The following LMNA variants were observed in gnomAD, a reference collection of about 807,000 sequenced individuals.
LMNA encodes the protein lamin.
LMNA carries 20 observed loss-of-function variants against 70.4 expected under a neutral mutation model. The ratio of observed to expected loss-of-function variants is 0.28; its 90% CI spans 0.20 to 0.41. The LOEUF (loss-of-function observed/expected upper bound fraction) is 0.41. Ranked by LOEUF, LMNA falls within the 10% of genes least tolerant of loss-of-function variation. The pLI is 1.00. For missense variants in LMNA, 652 were observed against 917.2 expected, an observed-to-expected ratio of 0.71 and a Z score of 3.73; for synonymous variants, 339 against 372.8, an observed-to-expected ratio of 0.91 and a Z score of 1.04.
chr1:156,123,636 C>G (rs1241180102), intron 1 of LMNA, among the ~76,000 whole-genome samples: 2 of 152,098 alleles, frequency 1.3e-5, no homozygotes, highest in African/African-American at 2.4e-5. Context: ...TTCTTTTGCT[C>G]TATCCCCAAG....
intron 3 of LMNA, among the ~76,000 whole-genome samples, chr1:156,108,686 A>C (rs1488512258): frequency 6.6e-6 from 1 of 152,076 alleles, no homozygotes; most frequent in Non-Finnish European, 1.5e-5. Context: ...GAATCGCTTG[A>C]ATTCAGGAGG....
At chr1:156,099,176 A>G (rs1649050571) in intron 3 of LMNA, among the ~76,000 whole-genome samples, 1 of 151,984 alleles carries the variant, frequency 6.6e-6, no homozygotes, top group Non-Finnish European at 1.5e-5. Context: ...CTCCTTAGCA[A>G]TTAGGCCTTA....
intron 1 of LMNA, among the ~76,000 whole-genome samples, chr1:156,130,387 T>C (rs1650939097): frequency 6.6e-6 from 1 of 152,016 alleles, no homozygotes; most frequent in East Asian, 1.9e-4. Flanking sequence ...TCCTGAGCCC[T>C]GAGTCATGGG....
Position 156,138,744 on chromosome 1 carries a change from G to A in LMNA, c.1955G>A (p.Ser652Asn). ...VTRSYLLGNS[S>N]PRTQSPQNCS... ...CGCTCCTACCTCCTGGGCAACTCCA[G>A]CCCCCGAACCCAGGTGAGTTGTCTC... The change falls in exon 11 of 12, where the codon AGC becomes AAC. Residue 652 changes from serine to asparagine, a missense_variant. Coordinates refer to ENST00000368300, the MANE Select transcript of LMNA (RefSeq NM_170707.4). The surrounding 1 kb of genome is among the most constrained non-coding windows in gnomAD (Gnocchi z 5.5). 1.9e-6 allele frequency: 3 copies of A among 1,613,462 alleles called. No individual in the cohort carries two copies. Among genetic ancestry groups the A allele is most frequent in the South Asian group, 2.2e-5 (2 of 91,084 alleles).
chr1:156,093,714 G>A (rs962819700), intron 3 of LMNA: 1 of 152,218 alleles, frequency 6.6e-6, no homozygotes, highest in South Asian at 2.1e-4. Context: ...CCCAGTACAC[G>A]GGAAGCTCTT....
chr1:156,084,825 C>T (rs766544546), intron 2 of LMNA, among the ~76,000 whole-genome samples: 3 of 152,346 alleles, frequency 2.0e-5, no homozygotes, highest in East Asian at 3.9e-4. Flanking sequence ...CCTGAACTTG[C>T]GCTGCCTCTG....
At chr1:156,119,253 G>C (rs1226256130) in intron 1 of LMNA, among the ~76,000 whole-genome samples, 2 of 152,146 alleles carry the variant, frequency 1.3e-5, no homozygotes, top group Non-Finnish European at 2.9e-5. Flanking sequence ...GAGTAGCTGG[G>C]ACTACAGGCA....
Position 156,137,783 on chromosome 1 carries a change from G to T in LMNA, c.1698+40G>T. 1 of 1,548,314 alleles carries T rather than the reference G, an allele frequency of 6.5e-7. No individual in the cohort carries two copies. The highest frequency in any genetic ancestry group is 8.7e-7 in the Non-Finnish European group (1 of 1,146,968). On this transcript the variant is annotated intron_variant, in intron 10 of 11. Transcript: ENST00000368300. This position sits in a 1 kb window ranked among gnomAD's most constrained non-coding sequence, Gnocchi z 4.6. The stretch of plus-strand genomic sequence containing the variant: ...CCGCTGAGGCCGAGCCTGCACTGGG[G>T]CCACCCAGCCAGGCCTGGGGGCAGC...
intron 3 of LMNA, among the ~76,000 whole-genome samples, chr1:156,108,559 A>G (rs1649430949): frequency 1.3e-5 from 2 of 152,106 alleles, no homozygotes; most frequent in Non-Finnish European, 2.9e-5. Flanking sequence ...AGATCACCTG[A>G]GGTCAGGAGT....
At position 156,103,658 on chromosome 1, in the gene LMNA, G is replaced by A. The variant is rs935848935; in HGVS notation, c.-206-11055G>A. The stretch of plus-strand genomic sequence containing the variant: ...GCTCTCCTGTGTCCCCTCTCCGGGG[G>A]CTGCCCCCTCCCAGTTTCTGACTAA... On this transcript the variant is annotated intron_variant, in intron 3 of 12. Coordinates refer to the LMNA transcript ENST00000368301. This position sits in a 1 kb window ranked among gnomAD's most constrained non-coding sequence, Gnocchi z 4.7. Among the ~76,000 whole-genome samples, 2 of 152,132 alleles carry A rather than the reference G, an allele frequency of 1.3e-5. No individual in the cohort carries two copies. Among genetic ancestry groups the A allele is most frequent in the African/African-American group, 2.4e-5 (1 of 41,422 alleles).
At chr1:156,109,994 T>A (rs1200864226), upstream of LMNA, among the ~76,000 whole-genome samples, 4 of 151,962 alleles carry the variant, frequency 2.6e-5, no homozygotes, top group African/African-American at 9.7e-5. Context: ...ACTAGAGGCA[T>A]GTGCCACCAC....
intron 3 of LMNA, among the ~76,000 whole-genome samples, chr1:156,101,359 T>C (rs1252976303): frequency 6.6e-6 from 1 of 152,010 alleles, no homozygotes; most frequent in Non-Finnish European, 1.5e-5. Context: ...TTGGTTGTGG[T>C]TGCATGAACC....
chr1:156,111,803 C>T (rs1438153392), upstream of LMNA, among the ~76,000 whole-genome samples: 1 of 152,200 alleles, frequency 6.6e-6, no homozygotes, highest in Admixed American at 6.5e-5. Flanking sequence ...TCTAGCATCA[C>T]TCAGCAGTTA....
At chr1:156,110,704 G>A (rs779374703), upstream of LMNA, among the ~76,000 whole-genome samples, 7 of 152,164 alleles carry the variant, frequency 4.6e-5, no homozygotes, top group Non-Finnish European at 7.3e-5. Flanking sequence ...GGCTGGGTGC[G>A]GTGGCTCATG....
rs886045361 is a variant in LMNA at position 156,114,857 on chromosome 1, C to A, written c.-62C>A. 8.2e-7 allele frequency: 1 copy of A among 1,212,656 alleles called. No homozygotes were observed. Among genetic ancestry groups the A allele is most frequent in the Non-Finnish European group, 1.1e-6 (1 of 882,890 alleles). The allele number at this position is 1,212,656 out of a possible 1,614,324, so 75.1% of individuals were successfully genotyped here. A position where few individuals can be genotyped will look rare whatever the true frequency, so the allele number is the denominator to read the frequency against. On this transcript the variant is annotated 5_prime_UTR_variant, in exon 1 of 12. Coordinates refer to ENST00000368300, the MANE Select transcript of LMNA (RefSeq NM_170707.4). The stretch of plus-strand genomic sequence containing the variant: ...ACTCCGAGCAGTCTCTGTCCTTCGA[C>A]CCGAGCCCCGCGCCCTTTCCGGGAC...
intron 1 of LMNA, among the ~76,000 whole-genome samples, chr1:156,126,384 C>T (rs1650578239): frequency 6.6e-6 from 1 of 152,280 alleles, no homozygotes; most frequent in Admixed American, 6.5e-5. Context: ...AGGCCTCTCC[C>T]TCCGGGCCTA....
At chr1:156,092,943 C>A (rs1451665853) in intron 3 of LMNA, among the ~76,000 whole-genome samples, 5 of 145,186 alleles carry the variant, frequency 3.4e-5, no homozygotes, top group African/African-American at 1.3e-4. Flanking sequence ...TGCTGGAGTG[C>A]AGTGGTGCGA....
Position 156,134,331 on chromosome 1 carries a change from C to G in LMNA, c.514-72C>G. ...TGTGAAGGGGTGCACAGGCAGCAGCCCACCTCTCAGCTTCCTTCCAGTTCT... is the reference window on the plus strand; with the variant it reads ...TGTGAAGGGGTGCACAGGCAGCAGCGCACCTCTCAGCTTCCTTCCAGTTCT... On this transcript the variant is annotated intron_variant, in intron 2 of 11. Coordinates refer to ENST00000368300, the MANE Select transcript of LMNA (RefSeq NM_170707.4). This position sits in a 1 kb window ranked among gnomAD's most constrained non-coding sequence, Gnocchi z 5.3. The G allele has an allele frequency of 1.3e-6, 2 of 1,562,842 alleles. No homozygotes were observed. The highest frequency in any genetic ancestry group is 3.5e-5 in the Admixed American group (2 of 56,688).
At position 156,136,872 on chromosome 1, in the gene LMNA, G is replaced by A. The variant is rs753078276; in HGVS notation, c.1381-49G>A. On this transcript the variant is annotated intron_variant, in intron 7 of 11. Coordinates refer to ENST00000368300, the MANE Select transcript of LMNA (RefSeq NM_170707.4). The surrounding 1 kb of genome is among the most constrained non-coding windows in gnomAD (Gnocchi z 6.1). ...GGGCCTTTGAGCAAGATACACCCAAGAGCCTGGGTGAGCCTCCCCGACCTT... is the reference window on the plus strand; with the variant it reads ...GGGCCTTTGAGCAAGATACACCCAAAAGCCTGGGTGAGCCTCCCCGACCTT... The A allele has an allele frequency of 1.4e-5, 21 of 1,514,636 alleles. No homozygotes were observed. Among genetic ancestry groups the A allele is most frequent in the Non-Finnish European group, 1.9e-5 (21 of 1,103,662 alleles). 93.8% of individuals were successfully genotyped at this position (1,514,636 alleles called of 1,614,324 possible). A position where few individuals can be genotyped will look rare whatever the true frequency, so the allele number is the denominator to read the frequency against.
Sources: allele counts gnomAD v4.1 joint callset (sites outside exome capture counted in the v4.1 genomes callset), GRCh38; gene constraint gnomAD v4.1.1; non-coding constraint Gnocchi (gnomAD v3.1); transcripts MANE v1.5; gene names NCBI Gene and HGNC (gene_info 2026-07-23, HGNC 2026-07-21).